Variants in ARHGAP6 observed in about 807,000 individuals in gnomAD.
The protein encoded by ARHGAP6 is rho GTPase-activating protein 6.
Under a neutral mutation model 55.7 loss-of-function variants are expected in ARHGAP6, and 16 were observed. That is an observed-to-expected ratio of 0.29 (90% CI 0.19 to 0.44). The LOEUF (loss-of-function observed/expected upper bound fraction) is 0.44. Among genes scored for constraint, ARHGAP6 ranks in the 20% least tolerant of loss-of-function variants. The pLI is 1.00. For synonymous variants in ARHGAP6, 382 were observed against 360.9 expected, an observed-to-expected ratio of 1.06 and a Z score of -0.66; for missense variants, 698 against 808.9, an observed-to-expected ratio of 0.86 and a Z score of 1.66.
intron 1 of ARHGAP6, among the ~76,000 whole-genome samples, chrX:11,633,758 A>T (rs2052385853): frequency 9.0e-6 from 1 of 111,731 alleles, no homozygotes; most frequent in Non-Finnish European, 1.9e-5. Flanking sequence ...TAATGAAGGA[A>T]TTGATGCCTC....
At chrX:11,201,989 C>G (rs868573055) in intron 2 of ARHGAP6, among the ~76,000 whole-genome samples, 41 of 65,496 alleles carry the variant, frequency 6.3e-4, no homozygotes, top group East Asian at 3.2e-3. Context: ...GCATCTGGAT[C>G]TGTGTGTGTG....
intron 8 of ARHGAP6, among the ~76,000 whole-genome samples, chrX:11,172,811 G>A (rs2046112776): frequency 9.0e-6 from 1 of 111,603 alleles, no homozygotes; most frequent in South Asian, 3.8e-4. Context: ...CTATACGGCT[G>A]TGTCTAGGTA....
At chrX:11,427,286 C>T (rs763697443) in intron 1 of ARHGAP6, among the ~76,000 whole-genome samples, 7 of 112,353 alleles carry the variant, frequency 6.2e-5, no homozygotes, top group Non-Finnish European at 1.3e-4. Flanking sequence ...GAGTCCAGCC[C>T]CGTCCCAGAT....
intron 1 of ARHGAP6, among the ~76,000 whole-genome samples, chrX:11,399,354 CAAAAAAAA>C (rs56197001): frequency 2.8e-5 from 1 of 35,365 alleles, no homozygotes; most frequent in East Asian, 1.2e-3. Context: ...AATAAGCAAT[CAAAAAAAA>C]AAAAAAAAAA....
At chrX:11,593,231 T>C (rs1371173856) in intron 1 of ARHGAP6, among the ~76,000 whole-genome samples, 1 of 112,046 alleles carries the variant, frequency 8.9e-6, no homozygotes, top group African/African-American at 3.2e-5. Context: ...CAGAACCTCC[T>C]GTTCTTGTGA....
chrX:11,387,822 C>T (rs767736614), intron 1 of ARHGAP6, among the ~76,000 whole-genome samples: 101 of 111,024 alleles, frequency 9.1e-4, no homozygotes, highest in Middle Eastern at 4.6e-3. Context: ...TTTGTCCTTG[C>T]GATAGTTTGC....
intron 1 of ARHGAP6, among the ~76,000 whole-genome samples, chrX:11,428,105 G>A (rs1291306568): frequency 8.9e-6 from 1 of 112,560 alleles, no homozygotes; most frequent in Non-Finnish European, 1.9e-5. Context: ...GGCGAACTTG[G>A]GTTTCCAAGA....
chrX:11,382,559 C>T (rs1248874283), intron 1 of ARHGAP6, among the ~76,000 whole-genome samples: 1 of 111,414 alleles, frequency 9.0e-6, no homozygotes, highest in Non-Finnish European at 1.9e-5. Flanking sequence ...TATTACAATC[C>T]ACTCTTTATA....
chrX:11,499,772 C>A (rs1207796883), intron 1 of ARHGAP6, among the ~76,000 whole-genome samples: 1 of 112,095 alleles, frequency 8.9e-6, no homozygotes, highest in Non-Finnish European at 1.9e-5. Flanking sequence ...CCAGGCACTG[C>A]TGGATGCAAA....
chrX:11,381,171 C>G (rs181191423), intron 1 of ARHGAP6, among the ~76,000 whole-genome samples: 1 of 112,707 alleles, frequency 8.9e-6, no homozygotes, highest in African/African-American at 3.2e-5. Context: ...GAGGCAATAT[C>G]ATCCAAACTC....
chrX:11,479,767 CCCA>C (rs1569360241), intron 1 of ARHGAP6, among the ~76,000 whole-genome samples: 17 of 111,895 alleles, frequency 1.5e-4, no homozygotes, highest in African/African-American at 5.5e-4. Flanking sequence ...GAACCTTGGC[CCCA>C]CTGCTCTTAA....
chrX:11,181,658 G>T (rs1015030757), intron 6 of ARHGAP6, among the ~76,000 whole-genome samples: 2 of 112,441 alleles, frequency 1.8e-5, no homozygotes, highest in African/African-American at 6.5e-5. Flanking sequence ...ATAAAGTAAA[G>T]CTATAAACAT....
chrX:11,464,503 C>A (rs1399384439), intron 1 of ARHGAP6, among the ~76,000 whole-genome samples: 1 of 112,188 alleles, frequency 8.9e-6, no homozygotes, highest in Non-Finnish European at 1.9e-5. Flanking sequence ...GGGGAAAAGG[C>A]ACAGGATGTT....
At chrX:11,567,236 G>A (rs2051452528) in intron 1 of ARHGAP6, among the ~76,000 whole-genome samples, 2 of 111,639 alleles carry the variant, frequency 1.8e-5, no homozygotes, top group Admixed American at 1.9e-4. Flanking sequence ...GGATTTGAGT[G>A]TAAGTAGTTT....
intron 1 of ARHGAP6, among the ~76,000 whole-genome samples, chrX:11,359,728 G>A (rs1423446593): frequency 1.8e-5 from 2 of 111,472 alleles, no homozygotes; most frequent in Admixed American, 9.5e-5. Flanking sequence ...CTGGTTTTTC[G>A]AAAGGATCAA....
intron 3 of ARHGAP6, among the ~76,000 whole-genome samples, chrX:11,196,135 AAAAAC>A (rs572396714): frequency 0.055 from 5,531 of 100,619 alleles, 206 homozygotes; most frequent in African/African-American, 0.12. Context: ...CTCTGTCTCA[AAAAAC>A]AAAACAAAAC....
chrX:11,469,951 A>C (rs1011614496), intron 1 of ARHGAP6, among the ~76,000 whole-genome samples: 1 of 111,336 alleles, frequency 9.0e-6, no homozygotes, highest in Non-Finnish European at 1.9e-5. Flanking sequence ...GCAGCCTCAG[A>C]TCCAGGATAC....
chrX:11,528,104 T>C (rs1569383923), intron 1 of ARHGAP6, among the ~76,000 whole-genome samples: 1 of 112,235 alleles, frequency 8.9e-6, no homozygotes, highest in African/African-American at 3.2e-5. Context: ...TAAGTATGGC[T>C]GGATTCCTTT....
In ARHGAP6 at chrX:11,195,092, G is replaced by C. The variant is rs183922959; in HGVS notation, c.820+1833C>G. On this transcript the variant is annotated intron_variant, in intron 3 of 12. Coordinates refer to ENST00000337414, the MANE Select transcript of ARHGAP6 (RefSeq NM_013427.3). Reference sequence around the variant, plus strand: ...AGCAGCAAAAAGTGCGGTGGCTCATGCTTGTAATCCCAGCACTTTGGGAGG... The same window carrying C: ...AGCAGCAAAAAGTGCGGTGGCTCATCCTTGTAATCCCAGCACTTTGGGAGG... 1.3e-3 allele frequency among the ~76,000 whole-genome samples: 143 copies of C among 112,099 alleles called. 1 individual carries two copies. Among genetic ancestry groups the C allele is most frequent in the Admixed American group, 2.8e-3 (30 of 10,595 alleles).
Sources: gnomAD v4.1 joint callset for allele counts (sites outside exome capture counted in the v4.1 genomes callset) on GRCh38, gnomAD v4.1.1 for gene constraint, MANE v1.5 for transcripts, NCBI Gene and HGNC (gene_info 2026-07-23, HGNC 2026-07-21) for gene names.